The following CRACD variants were observed in gnomAD, a reference collection of about 807,000 sequenced individuals.
CRACD encodes the protein capping protein-inhibiting regulator of actin dynamics.
CRACD carries 56 observed loss-of-function variants against 106.8 expected under a neutral mutation model. That is an observed-to-expected ratio of 0.52 (90% CI 0.42 to 0.66). The LOEUF (loss-of-function observed/expected upper bound fraction) is 0.66, where lower values mean the gene tolerates loss of function less well. CRACD is among the 30% of genes least tolerant of loss of function. CRACD has a pLI of 0.00. For synonymous variants in CRACD, 754 were observed against 670.8 expected (o/e 1.12, Z -1.92); for missense variants, 1,730 against 1,623.2 (o/e 1.07, Z -1.13).
intron 2 of CRACD, among the ~76,000 whole-genome samples, chr4:56,240,183 A>T (rs1489615876): frequency 6.6e-6 from 1 of 152,182 alleles, no homozygotes; most frequent in Non-Finnish European, 1.5e-5. Flanking sequence ...GGGTTATAAT[A>T]AATGGCATTA....
intron 2 of CRACD, among the ~76,000 whole-genome samples, chr4:56,253,030 G>C (rs745911918): frequency 6.6e-6 from 1 of 152,150 alleles, no homozygotes; most frequent in Non-Finnish European, 1.5e-5. Context: ...GGTAGCAGTG[G>C]GATGACAGGG....
chr4:56,145,308 G>T (rs746294224), intron 1 of CRACD, among the ~76,000 whole-genome samples: 33 of 152,158 alleles, frequency 2.2e-4, no homozygotes, highest in Admixed American at 4.6e-4. Context: ...ATGCTGATAA[G>T]TAAGTGTTCA....
At chr4:56,153,823 C>T (rs184752761) in intron 1 of CRACD, among the ~76,000 whole-genome samples, 4 of 152,346 alleles carry the variant, frequency 2.6e-5, no homozygotes, top group Admixed American at 2.6e-4. Flanking sequence ...AGGGCTTCAC[C>T]TGGACAGGTG....
chr4:56,319,728 G>T (rs1454085904), intron 8 of CRACD, among the ~76,000 whole-genome samples: 1 of 152,044 alleles, frequency 6.6e-6, no homozygotes, highest in Non-Finnish European at 1.5e-5. Flanking sequence ...TGTGACGTAC[G>T]CAACCATTTT....
intron 3 of CRACD, among the ~76,000 whole-genome samples, chr4:56,283,170 G>C (rs539832379): frequency 6.6e-6 from 1 of 152,152 alleles, no homozygotes; most frequent in East Asian, 1.9e-4. Flanking sequence ...AGGACCATGG[G>C]GTGTGACAAC....
chr4:56,299,999 G>A (rs1377774788), intron 4 of CRACD, among the ~76,000 whole-genome samples: 7 of 151,582 alleles, frequency 4.6e-5, no homozygotes, highest in South Asian at 2.1e-4. Flanking sequence ...TTAGCTGGGC[G>A]TGGTGGCAGG....
chr4:56,182,846 A>G (rs1042063868), intron 2 of CRACD, among the ~76,000 whole-genome samples: 80 of 146,328 alleles, frequency 5.5e-4, no homozygotes, highest in African/African-American at 2.0e-3. Flanking sequence ...TTCTCATACA[A>G]CGTAGAAAAA....
chr4:56,307,795 G>A, intron 5 of CRACD, 96 bp downstream of exon 5: 1 of 1,280,544 alleles, frequency 7.8e-7, no homozygotes, highest in Non-Finnish European at 1.1e-6. Context: ...GGAATTAGAG[G>A]GAGGAGCTTT....
chr4:56,108,317 A>G (rs970854693), intron 1 of CRACD, among the ~76,000 whole-genome samples: 1 of 152,206 alleles, frequency 6.6e-6, no homozygotes, highest in African/African-American at 2.4e-5. Flanking sequence ...GAAGGACACA[A>G]CATCACTTCT....
chr4:56,079,697 A>G (rs1353679411), intron 1 of CRACD, among the ~76,000 whole-genome samples: 2 of 152,102 alleles, frequency 1.3e-5, no homozygotes, highest in Admixed American at 6.6e-5. Flanking sequence ...CACCCACCCA[A>G]TCTCAGCCTC....
At chr4:56,325,283 C>T (rs1315496390) in intron 10 of CRACD, among the ~76,000 whole-genome samples, 1 of 152,108 alleles carries the variant, frequency 6.6e-6, no homozygotes, top group Non-Finnish European at 1.5e-5. Flanking sequence ...TGCAGTGAGC[C>T]GAGATCGTGC....
intron 3 of CRACD, among the ~76,000 whole-genome samples, chr4:56,279,109 T>C (rs1270923311): frequency 6.6e-6 from 1 of 152,184 alleles, no homozygotes; most frequent in Non-Finnish European, 1.5e-5. Flanking sequence ...ACTTTATAAA[T>C]GGGGAAACAG....
In CRACD at chr4:56,313,396, C is replaced by G. The variant is rs1446601671; in HGVS notation, c.537+17C>G. 1 of 1,602,300 alleles carries G rather than the reference C, an allele frequency of 6.2e-7. No individual in the cohort carries two copies. Among genetic ancestry groups the G allele is most frequent in the East Asian group, 2.2e-5 (1 of 44,616 alleles). The stretch of plus-strand genomic sequence containing the variant: ...CTTGCCCAGGTGTGTAGAGCCTGCA[C>G]GGGCTGACCAGGCAGGTGCCCTTGC... On this transcript the variant is annotated intron_variant, in intron 7 of 10. Coordinates refer to ENST00000682029, the MANE Select transcript of CRACD (RefSeq NM_001393381.1).
intron 1 of CRACD, among the ~76,000 whole-genome samples, chr4:56,110,190 T>TA (rs1216644434): frequency 1.3e-5 from 2 of 152,058 alleles, no homozygotes; most frequent in South Asian, 2.1e-4. Context: ...AAGAAGGCAG[T>TA]AAAAAAATAT....
intron 2 of CRACD, chr4:56,246,560 G>A (rs1305250098): frequency 1.3e-5 from 2 of 152,120 alleles, no homozygotes; most frequent in Non-Finnish European, 2.9e-5. Context: ...CATACTGTAG[G>A]AGCTTTTTGT....
chr4:56,180,672 A>G (rs1440104185), intron 2 of CRACD, among the ~76,000 whole-genome samples: 1 of 152,218 alleles, frequency 6.6e-6, no homozygotes, highest in Non-Finnish European at 1.5e-5. Flanking sequence ...ACCTATTACG[A>G]TAACTACCTG....
intron 1 of CRACD, among the ~76,000 whole-genome samples, chr4:56,169,210 T>C (rs1736264077): frequency 6.6e-6 from 1 of 152,082 alleles, no homozygotes; most frequent in Admixed American, 6.5e-5. Flanking sequence ...CAAAGGAGCC[T>C]AGGGATGAGC....
intron 1 of CRACD, among the ~76,000 whole-genome samples, chr4:56,073,969 C>T (rs182167438): frequency 6.6e-6 from 1 of 152,200 alleles, no homozygotes; most frequent in East Asian, 1.9e-4. Flanking sequence ...AATCCTTTCC[C>T]CATTTCTTGT....
rs1373271301 is a variant in CRACD at position 56,324,119 on chromosome 4, C to T, written c.3394C>T (p.Gln1132Ter). Reference sequence around the variant, plus strand: ...GCCCACGCAGGTCAGTGTCAGCGTGCAGCCTGGAAGCAGCAGTGTCAGCAG... The same window carrying T: ...GCCCACGCAGGTCAGTGTCAGCGTGTAGCCTGGAAGCAGCAGTGTCAGCAG... The part of the protein sequence containing the change: ...LSKENVSVSV[Q>*]PGSSSVSRAG... The change falls in exon 10 of 11, where the codon CAG (glutamine) becomes TAG (stop). Residue 1132 changes from glutamine to a stop codon, truncating the protein, a stop_gained. Coordinates refer to ENST00000682029, the MANE Select transcript of CRACD (RefSeq NM_001393381.1). LOFTEE classifies it high-confidence loss of function. 6.2e-7 allele frequency: 1 copy of T among 1,611,650 alleles called. No individual in the cohort carries two copies. Among genetic ancestry groups the T allele is most frequent in the Middle Eastern group, 1.7e-4 (1 of 5,918 alleles).
Sources: allele counts gnomAD v4.1 joint callset (sites outside exome capture counted in the v4.1 genomes callset), GRCh38; gene constraint gnomAD v4.1.1; transcripts MANE v1.5; gene names NCBI Gene and HGNC (gene_info 2026-07-23, HGNC 2026-07-21).